The following YIPF1 variants were observed in gnomAD, a reference collection of about 807,000 sequenced individuals.
YIPF1 encodes the protein Yip1 domain family member 1.
In YIPF1, 22 loss-of-function variants were observed where a neutral mutation model predicts 37.0. The ratio of observed to expected loss-of-function variants is 0.59; its 90% CI spans 0.42 to 0.85. YIPF1 has a LOEUF of 0.85. YIPF1 is among the 40% of genes least tolerant of loss of function. YIPF1 has a pLI of 0.00. For synonymous variants in YIPF1, 128 were observed against 131.9 expected (o/e 0.97, Z 0.21); for missense variants, 355 against 373.1 (o/e 0.95, Z 0.40).
chr1:53,860,811 C>G (rs896356465), intron 9 of YIPF1, among the ~76,000 whole-genome samples: 5 of 152,172 alleles, frequency 3.3e-5, no homozygotes, highest in Admixed American at 1.3e-4. Flanking sequence ...ATTTAACGGT[C>G]AAAAGTCAGA....
At chr1:53,866,563 A>T (rs1297627571) in intron 8 of YIPF1, among the ~76,000 whole-genome samples, 181 bp from the exon 9 acceptor site, 1 of 152,092 alleles carries the variant, frequency 6.6e-6, no homozygotes, top group Non-Finnish European at 1.5e-5. Context: ...CTTTTATAAC[A>T]AAGGGCCCAA....
chr1:53,856,304 C>T (rs1018682689), intron 10 of YIPF1, among the ~76,000 whole-genome samples: 2 of 152,222 alleles, frequency 1.3e-5, no homozygotes, highest in African/African-American at 4.8e-5. Context: ...TGCTCTGACT[C>T]TCTGAAGGCC....
intron 9 of YIPF1, among the ~76,000 whole-genome samples, chr1:53,863,737 G>C (rs796736711): frequency 1.3e-5 from 2 of 151,602 alleles, no homozygotes; most frequent in South Asian, 2.1e-4. Flanking sequence ...AGATGAAATG[G>C]GTTCTTTTTT....
chr1:53,866,668 G>C, intron 8 of YIPF1, 90 bp downstream of exon 8: 1 of 1,448,620 alleles, frequency 6.9e-7, no homozygotes, highest in Non-Finnish European at 9.3e-7. Flanking sequence ...TATTGCGCTG[G>C]AAATAATGAT....
chr1:53,879,975 C>G (rs1335405090), intron 4 of YIPF1, among the ~76,000 whole-genome samples: 1 of 152,126 alleles, frequency 6.6e-6, no homozygotes, highest in Non-Finnish European at 1.5e-5. Context: ...CCTTGAAAAC[C>G]AGCACAAGAC....
chr1:53,867,466 G>A (rs1010393663), intron 7 of YIPF1, among the ~76,000 whole-genome samples: 4 of 147,162 alleles, frequency 2.7e-5, no homozygotes, highest in South Asian at 2.2e-4. Context: ...TCCGCCTCCC[G>A]GGTTCACGCC....
At chr1:53,853,878 T>C (rs1649657541) in intron 10 of YIPF1, among the ~76,000 whole-genome samples, 1 of 152,174 alleles carries the variant, frequency 6.6e-6, no homozygotes, top group Admixed American at 6.6e-5. Flanking sequence ...CATAAATATA[T>C]ACTCTGTTTT....
rs768171649 is a variant in YIPF1 at position 53,866,235 on chromosome 1, C to T, written c.796G>A (p.Val266Met). The change falls in exon 9 of 11, where the codon GTG becomes ATG. Residue 266 changes from valine to methionine, a missense_variant. Coordinates refer to ENST00000072644, the MANE Select transcript of YIPF1 (RefSeq NM_018982.5). ...RVALATIVTI[V>M]LLHMLLSVGC... is the part of the protein sequence containing the mutation. ...ACAGAAAGCAGCATATGGAGCAACACAATTGTCACAATTGTGGCCAATGCA... is the reference window on the plus strand; with the variant it reads ...ACAGAAAGCAGCATATGGAGCAACATAATTGTCACAATTGTGGCCAATGCA... The T allele has an allele frequency of 4.3e-5, 69 of 1,614,026 alleles. No individual in the cohort carries two copies. Among genetic ancestry groups the T allele is most frequent in the East Asian group, 8.9e-5 (4 of 44,892 alleles).
rs1414720432 is a variant in YIPF1 at position 53,870,168 on chromosome 1, T to C, written c.481+1204A>G. 7.0e-3 allele frequency among the ~76,000 whole-genome samples: 315 copies of C among 45,056 alleles called. 24 individuals carry two copies. Among genetic ancestry groups the C allele is most frequent in the East Asian group, 0.047 (46 of 988 alleles). 29.6% of individuals were successfully genotyped at this position (45,056 alleles called of 152,430 possible). On this transcript the variant is annotated intron_variant, in intron 7 of 10. Coordinates refer to ENST00000072644, the MANE Select transcript of YIPF1 (RefSeq NM_018982.5). ...GCCACCGCACCGGGTCTCTTTTTTT[T>C]TTTTTTTTTTTTTTTTTTTTTGAGA... is the stretch of plus-strand genomic sequence containing the variant.
intron 9 of YIPF1, 119 bp from the exon 10 acceptor site, chr1:53,860,272 A>G (rs934840982): frequency 7.1e-6 from 6 of 849,128 alleles, no homozygotes; most frequent in African/African-American, 6.8e-5. Context: ...TCTTCCTACC[A>G]TATTTGCCAT....
At chr1:53,868,988 G>A (rs917478638) in intron 7 of YIPF1, among the ~76,000 whole-genome samples, 16 of 152,104 alleles carry the variant, frequency 1.1e-4, no homozygotes, top group African/African-American at 1.9e-4. Context: ...ATATCTCATG[G>A]TTAATATTTA....
At chr1:53,880,848 T>G (rs1220327501) in intron 4 of YIPF1, among the ~76,000 whole-genome samples, 1 of 152,198 alleles carries the variant, frequency 6.6e-6, no homozygotes. Context: ...CTGGGAGAAC[T>G]GGCTAGCCAT....
At position 53,871,912 on chromosome 1, in the gene YIPF1, G is replaced by A. The variant is rs559694313; in HGVS notation, c.365-424C>T. ...AGAGAAAGAAGTTAAATCAGACAGA[G>A]CTTGTGCAGCATACAGAAAGAGCAG... On this transcript the variant is annotated intron_variant, in intron 6 of 10. Transcript: ENST00000072644. Among the ~76,000 whole-genome samples, 24 of 152,150 alleles carry A rather than the reference G, an allele frequency of 1.6e-4. No individual in the cohort carries two copies. The South Asian group carries it at 5.0e-3, about 32-fold the overall frequency.
chr1:53,853,017 G>A (rs2100714243), intron 10 of YIPF1, among the ~76,000 whole-genome samples: 1 of 152,236 alleles, frequency 6.6e-6, no homozygotes, highest in South Asian at 2.1e-4. Flanking sequence ...AGAAAAGACA[G>A]GTCTTGCTGA....
chr1:53,866,909 G>A lies in YIPF1; in HGVS notation c.497C>T (p.Thr166Ile). 1 of 1,612,638 alleles carries A rather than the reference G, an allele frequency of 6.2e-7. No individual in the cohort carries two copies. Among genetic ancestry groups the A allele is most frequent in the Non-Finnish European group, 8.5e-7 (1 of 1,179,342 alleles). The stretch of plus-strand genomic sequence containing the variant: ...CAGCCAGGCATAGGCATAGATGATG[G>A]TAGCTGCTATGGACACTGAGGATGA... ...PEFRKVSIAA[T>I]IIYAYAWLVP... Residue 166 changes from threonine (T) to isoleucine (I), a missense_variant, in exon 8 of 11, where the codon ACC becomes ATC. By Grantham distance (89) the Thr-to-Ile change is moderately conservative. Transcript: ENST00000072644.
intron 6 of YIPF1, among the ~76,000 whole-genome samples, chr1:53,877,069 C>T (rs1650354615): frequency 6.6e-6 from 1 of 152,174 alleles, no homozygotes; most frequent in Admixed American, 6.6e-5. Context: ...TCTTTAAATC[C>T]TCAGCCTCTA....
chr1:53,878,125 G>A (rs1361270214), intron 6 of YIPF1, among the ~76,000 whole-genome samples, 190 bp downstream of exon 6: 2 of 152,204 alleles, frequency 1.3e-5, no homozygotes, highest in Non-Finnish European at 2.9e-5. Context: ...TTGTAATGAT[G>A]ACGTGGCACT....
At chr1:53,855,827 CTG>C (rs1649705046) in intron 10 of YIPF1, among the ~76,000 whole-genome samples, 1 of 152,186 alleles carries the variant, frequency 6.6e-6, no homozygotes, top group African/African-American at 2.4e-5. Context: ...CAATGCATGA[CTG>C]TAACTGGAAG....
intron 6 of YIPF1, among the ~76,000 whole-genome samples, chr1:53,876,183 G>A (rs937816557): frequency 2.0e-5 from 3 of 152,026 alleles, no homozygotes; most frequent in African/African-American, 7.2e-5. Context: ...TATATTTATT[G>A]GCAATTTTTT....
Sources: allele counts gnomAD v4.1 joint callset (sites outside exome capture counted in the v4.1 genomes callset), GRCh38; gene constraint gnomAD v4.1.1; transcripts MANE v1.5; gene names NCBI Gene and HGNC (gene_info 2026-07-23, HGNC 2026-07-21).